Variants in EXT1 observed in about 807,000 individuals in gnomAD.
EXT1 encodes exostosin glycosyltransferase 1.
A neutral mutation model predicts 82.5 loss-of-function variants in EXT1; 20 were observed. That is an observed-to-expected ratio of 0.24 (90% confidence interval 0.17 to 0.35). The LOEUF is 0.35. EXT1 is among the 10% of genes least tolerant of loss of function. The pLI, the probability that EXT1 is intolerant of heterozygous loss-of-function variation, is 1.00. For synonymous variants in EXT1, 348 were observed against 350.8 expected (o/e 0.99, Z 0.09); for missense variants, 757 against 936.5 (o/e 0.81, Z 2.50).
At chr8:117,919,556 G>A (rs1410772474) in intron 1 of EXT1, among the ~76,000 whole-genome samples, 3 of 150,412 alleles carry the variant, frequency 2.0e-5, no homozygotes, top group South Asian at 2.1e-4. Context: ...TGAGGATGGA[G>A]TGCAGTGGTG....
At chr8:117,819,428 T>C (rs1811883818) in intron 6 of EXT1, among the ~76,000 whole-genome samples, 1 of 152,226 alleles carries the variant, frequency 6.6e-6, no homozygotes, top group Middle Eastern at 3.2e-3. Flanking sequence ...ATATATACTT[T>C]TTAACTCTAT....
intron 1 of EXT1, among the ~76,000 whole-genome samples, chr8:118,078,176 G>C (rs1331793916): frequency 6.6e-6 from 1 of 151,990 alleles, no homozygotes; most frequent in African/African-American, 2.4e-5. Context: ...AGGGGCATTT[G>C]ACCAGATTTT....
Position 118,077,621 on chromosome 8 carries a change from G to A in EXT1, c.962+32464C>T, listed in dbSNP as rs375667611. On this transcript the variant is annotated intron_variant, in intron 1 of 10. Transcript: ENST00000378204. Reference sequence around the variant, plus strand: ...GAAATAAGGAAACCAAACAGAATTCGGCAGAAGATTTAGGTCTTAATTATT... The same window carrying A: ...GAAATAAGGAAACCAAACAGAATTCAGCAGAAGATTTAGGTCTTAATTATT... Among the ~76,000 whole-genome samples, 51 of 152,090 alleles carry A rather than the reference G, an allele frequency of 3.4e-4. 1 individual carries two copies. In the South Asian group the frequency reaches 5.8e-3, roughly 17 times the overall value.
At chr8:117,959,256 AC>A (rs1211448171) in intron 1 of EXT1, among the ~76,000 whole-genome samples, 2 of 152,118 alleles carry the variant, frequency 1.3e-5, no homozygotes, top group Non-Finnish European at 2.9e-5. Flanking sequence ...CCTGCCTAGC[AC>A]CCAAGGCCGG....
chr8:118,051,777 A>T (rs573057278), intron 1 of EXT1, among the ~76,000 whole-genome samples: 1 of 152,282 alleles, frequency 6.6e-6, no homozygotes, highest in East Asian at 1.9e-4. Context: ...ATATCGTAAG[A>T]TCAATCAAGC....
At chr8:118,095,988 T>C (rs916358548) in intron 1 of EXT1, among the ~76,000 whole-genome samples, 1 of 152,228 alleles carries the variant, frequency 6.6e-6, no homozygotes, top group Non-Finnish European at 1.5e-5. Context: ...AATTAAATGA[T>C]AAATCTCAAT....
rs1490463355 is a variant in EXT1, at chr8:117,794,648, C to T, written c.*5064G>A. On this transcript the variant is annotated 3_prime_UTR_variant, in exon 11 of 11. Transcript: ENST00000378204. ...CAGTGAAGTAAATCAATATCTATGG[C>T]TTTGTATTTTCTCACACGCGCTCTC... The T allele has an allele frequency of 5.9e-5, 9 of 152,034 alleles. No individual in the cohort carries two copies. Among genetic ancestry groups the T allele is most frequent in the Admixed American group, 1.3e-4 (2 of 15,242 alleles). 9.4% of individuals were successfully genotyped at this position (152,034 alleles called of 1,614,324 possible). A position where few individuals can be genotyped will look rare whatever the true frequency, so the allele number is the denominator to read the frequency against.
intron 1 of EXT1, among the ~76,000 whole-genome samples, chr8:118,006,388 G>T (rs1339324958): frequency 6.6e-6 from 1 of 152,162 alleles, no homozygotes. Context: ...CACTAAAGGA[G>T]TATAGTGTTT....
At chr8:118,042,518 CTCCTGACCTCAAGTGA>C (rs1426406227) in intron 1 of EXT1, among the ~76,000 whole-genome samples, 1 of 152,140 alleles carries the variant, frequency 6.6e-6, no homozygotes, top group Non-Finnish European at 1.5e-5. Flanking sequence ...TGGTCTTGAA[CTCCTGACCTCAAGTGA>C]TCCACCCACC....
chr8:117,921,970 GTTTTCT>G (rs1813864631), intron 1 of EXT1, among the ~76,000 whole-genome samples: 3 of 112,164 alleles, frequency 2.7e-5, no homozygotes, highest in Admixed American at 1.2e-4. Flanking sequence ...ATTCAGATTT[GTTTTCT>G]TTTTTTTTTT....
At chr8:117,836,024 C>A (rs970187090) in intron 2 of EXT1, among the ~76,000 whole-genome samples, 2 of 152,202 alleles carry the variant, frequency 1.3e-5, no homozygotes, top group South Asian at 2.1e-4. Flanking sequence ...GGCAGCAGTT[C>A]GTGGACTTAA....
chr8:117,811,618 A>ATTTTT (rs111956885), intron 8 of EXT1, among the ~76,000 whole-genome samples: 1 of 143,054 alleles, frequency 7.0e-6, no homozygotes. Context: ...CATCTATGGA[A>ATTTTT]TTTTTTTTTT....
intron 1 of EXT1, among the ~76,000 whole-genome samples, chr8:118,030,626 G>A (rs1404974793): frequency 6.6e-6 from 1 of 152,088 alleles, no homozygotes; most frequent in Non-Finnish European, 1.5e-5. Flanking sequence ...GGATTACAGG[G>A]ATGTGCCACC....
Position 117,798,285 on chromosome 8 carries a change from C to T in EXT1, c.*1427G>A, listed in dbSNP as rs1823113912. 1 of 152,156 alleles carries T rather than the reference C, an allele frequency of 6.6e-6. No homozygotes were observed. The highest frequency in any genetic ancestry group is 1.5e-5 in the Non-Finnish European group (1 of 68,020). The allele number at this position is 152,156 out of a possible 1,614,324, so 9.4% of individuals were successfully genotyped here. Reference sequence around the variant, plus strand: ...TCTAAAGTGCTTATTGTTTATTCAGCATAATACATGGTCAAACTCAATAAT... The same window carrying T: ...TCTAAAGTGCTTATTGTTTATTCAGTATAATACATGGTCAAACTCAATAAT... On this transcript the variant is annotated 3_prime_UTR_variant, in exon 11 of 11. Transcript: ENST00000378204.
intron 1 of EXT1, among the ~76,000 whole-genome samples, chr8:117,952,212 A>T (rs1256976488): frequency 2.0e-5 from 3 of 152,204 alleles, no homozygotes. Flanking sequence ...ACATCACCAC[A>T]TTCTGTCTTT....
chr8:117,834,840 A>C (rs1427692826), intron 3 of EXT1, among the ~76,000 whole-genome samples: 1 of 152,172 alleles, frequency 6.6e-6, no homozygotes, highest in Non-Finnish European at 1.5e-5. Context: ...GGCTTTAGAA[A>C]TCCTTAGTAA....
intron 1 of EXT1, among the ~76,000 whole-genome samples, chr8:117,883,777 C>T (rs914167899): frequency 3.9e-5 from 6 of 152,176 alleles, no homozygotes; most frequent in Non-Finnish European, 8.8e-5. Flanking sequence ...TTTCAGAGAC[C>T]ACAGATCAGC....
At chr8:118,071,039 T>G (rs1179262998) in intron 1 of EXT1, among the ~76,000 whole-genome samples, 2 of 152,206 alleles carry the variant, frequency 1.3e-5, no homozygotes, top group Non-Finnish European at 2.9e-5. Context: ...GCCTCTCATT[T>G]CTATCATGTA....
At chr8:118,048,401 G>A (rs897054841) in intron 1 of EXT1, among the ~76,000 whole-genome samples, 2 of 152,160 alleles carry the variant, frequency 1.3e-5, no homozygotes, top group African/African-American at 2.4e-5. Context: ...CCATGTTATA[G>A]GCTTCAAAAG....
Sources: gnomAD v4.1 joint callset for allele counts (sites outside exome capture counted in the v4.1 genomes callset) on GRCh38, gnomAD v4.1.1 for gene constraint, MANE v1.5 for transcripts, NCBI Gene and HGNC (gene_info 2026-07-23, HGNC 2026-07-21) for gene names.